Variants in PPP1R9A observed in about 807,000 individuals in gnomAD.
PPP1R9A encodes the protein protein phosphatase 1 regulatory subunit 9A.
Under a neutral mutation model 141.9 loss-of-function variants are expected in PPP1R9A, and 59 were observed. The observed-to-expected ratio is 0.42, with a 90% CI of 0.34 to 0.52. The LOEUF is 0.52. PPP1R9A is among the 20% of genes least tolerant of loss of function. PPP1R9A has a pLI of 0.10. For synonymous variants in PPP1R9A, 500 were observed against 569.7 expected (o/e 0.88, Z 1.74); for missense variants, 1,444 against 1,611.9 (o/e 0.90, Z 1.78).
intron 4 of PPP1R9A, among the ~76,000 whole-genome samples, chr7:95,144,911 G>A (rs184808982): frequency 1.8e-4 from 27 of 152,190 alleles, no homozygotes; most frequent in Admixed American, 5.9e-4. Context: ...AGTGGACAAC[G>A]TACAAAAATC....
chr7:95,073,115 T>C (rs1032884808), intron 2 of PPP1R9A, among the ~76,000 whole-genome samples: 1 of 149,780 alleles, frequency 6.7e-6, no homozygotes, highest in African/African-American at 2.5e-5. Flanking sequence ...CCTCCTGAGT[T>C]TCTGGGATTA....
intron 2 of PPP1R9A, among the ~76,000 whole-genome samples, chr7:94,990,453 G>T (rs1801369487): frequency 6.6e-6 from 1 of 151,922 alleles, no homozygotes; most frequent in South Asian, 2.1e-4. Context: ...TTTTAAAACT[G>T]ACACGTAATA....
intron 2 of PPP1R9A, among the ~76,000 whole-genome samples, chr7:94,968,423 C>G (rs1405308178): frequency 6.6e-6 from 1 of 152,052 alleles, no homozygotes; most frequent in South Asian, 2.1e-4. Flanking sequence ...CCACCCGCCT[C>G]GGCCTCCCAA....
intron 2 of PPP1R9A, among the ~76,000 whole-genome samples, chr7:95,020,272 G>A (rs933129722): frequency 1.3e-5 from 2 of 152,116 alleles, no homozygotes; most frequent in African/African-American, 4.8e-5. Flanking sequence ...TAGGTGTAGT[G>A]ATGGTTTCAT....
chr7:95,151,534 A>G (rs1430409449), intron 4 of PPP1R9A, among the ~76,000 whole-genome samples: 1 of 152,200 alleles, frequency 6.6e-6, no homozygotes, highest in African/African-American at 2.4e-5. Flanking sequence ...GTATGATACT[A>G]TAATGGTGGA....
intron 5 of PPP1R9A, among the ~76,000 whole-genome samples, chr7:95,163,240 G>A (rs1178264593): frequency 6.6e-6 from 1 of 151,998 alleles, no homozygotes; most frequent in Non-Finnish European, 1.5e-5. Context: ...TTTCCCCTCT[G>A]TTGACTGCGT....
At chr7:95,240,517 T>A (rs558069814) in intron 8 of PPP1R9A, among the ~76,000 whole-genome samples, 7 of 152,154 alleles carry the variant, frequency 4.6e-5, no homozygotes, top group African/African-American at 1.7e-4. Context: ...ATTTGTCTTG[T>A]CATATCAGTG....
intron 7 of PPP1R9A, among the ~76,000 whole-genome samples, chr7:95,213,316 CTT>C (rs1019507943): frequency 3.5e-5 from 5 of 141,590 alleles, no homozygotes; most frequent in South Asian, 2.2e-4. Flanking sequence ...CTTTCTTTCT[CTT>C]TCTTTTTTTT....
intron 2 of PPP1R9A, among the ~76,000 whole-genome samples, chr7:95,103,230 A>G (rs1819018709): frequency 6.6e-6 from 1 of 151,890 alleles, no homozygotes; most frequent in Admixed American, 6.6e-5. Flanking sequence ...ATGTATAAAA[A>G]AAACACATAT....
In PPP1R9A at chr7:95,111,372, C is replaced by T. The variant is rs759000233; in HGVS notation, c.1509C>T (p.Phe503=). 2.5e-6 allele frequency: 4 copies of T among 1,613,650 alleles called. No individual in the cohort carries two copies. The highest frequency in any genetic ancestry group is 1.7e-5 in the Admixed American group (1 of 59,974). The change falls in exon 3 of 20, where the codon TTC becomes TTT. Residue 503 remains phenylalanine, a synonymous_variant. Transcript: ENST00000433360. ...LEKRVEKLEL[F]PVELEKDEDG... ...AACGTGTAGAAAAGCTGGAACTTTT[C>T]CCAGTGGAGCTAGAGAAAGGTTCGT...
At chr7:95,051,793 T>C (rs950633264) in intron 2 of PPP1R9A, among the ~76,000 whole-genome samples, 1 of 152,060 alleles carries the variant, frequency 6.6e-6, no homozygotes, top group African/African-American at 2.4e-5. Flanking sequence ...CCATCACTAT[T>C]TATTGAACAT....
At chr7:94,999,376 C>A (rs1443462426) in intron 2 of PPP1R9A, among the ~76,000 whole-genome samples, 1 of 152,168 alleles carries the variant, frequency 6.6e-6, no homozygotes, top group African/African-American at 2.4e-5. Context: ...ATGGGACAGC[C>A]ACTCTAGATG....
At chr7:95,245,540 C>T (rs1048888998) in intron 8 of PPP1R9A, among the ~76,000 whole-genome samples, 1 of 152,086 alleles carries the variant, frequency 6.6e-6, no homozygotes, top group African/African-American at 2.4e-5. Flanking sequence ...ACTGGCTAGC[C>T]TGGTGTGTCA....
In PPP1R9A at chr7:95,269,425, T is replaced by C. The variant is rs1801812735; in HGVS notation, c.3042T>C (p.Phe1014=). ...LSSMWGDTSL[F]STSKSDHDVE... is the part of the protein sequence containing the mutation. ...CTATGTGGGGAGACACTTCACTGTT[T>C]TCTACTTCAAAGTCTGATCATGATG... The change falls in exon 14 of 20, where the codon TTT becomes TTC. Residue 1014 remains phenylalanine (F), a synonymous_variant. Coordinates refer to ENST00000433360, the MANE Select transcript of PPP1R9A (RefSeq NM_001166160.2). The C allele has an allele frequency of 6.3e-7, 1 of 1,594,570 alleles. No individual in the cohort carries two copies. Among genetic ancestry groups the C allele is most frequent in the Non-Finnish European group, 8.5e-7 (1 of 1,175,850 alleles).
intron 2 of PPP1R9A, among the ~76,000 whole-genome samples, chr7:95,110,359 A>T (rs573687052): frequency 6.6e-6 from 1 of 152,272 alleles, no homozygotes; most frequent in African/African-American, 2.4e-5. Flanking sequence ...CCTAGATTTT[A>T]TGATTTTTGG....
At chr7:94,913,883 T>C (rs1168080937) in intron 2 of PPP1R9A, among the ~76,000 whole-genome samples, 4 of 152,186 alleles carry the variant, frequency 2.6e-5, no homozygotes, top group African/African-American at 9.7e-5. Context: ...CTTAAACACA[T>C]TGTATTTAAA....
chr7:95,060,827 G>A (rs1812126762), intron 2 of PPP1R9A, among the ~76,000 whole-genome samples: 1 of 152,200 alleles, frequency 6.6e-6, no homozygotes, highest in Non-Finnish European at 1.5e-5. Context: ...CTTGTGCCAT[G>A]TGGCAGCAAA....
rs369341848 is a variant in PPP1R9A at position 95,166,130 on chromosome 7, A to C, written c.1754+4159A>C. 2.8e-3 allele frequency among the ~76,000 whole-genome samples: 416 copies of C among 148,256 alleles called. 1 individual carries two copies. The highest frequency in any genetic ancestry group is 8.9e-3 in the African/African-American group (353 of 39,708). ...ACCATTGCACTCCAGCCTGGGCAAC[A>C]AGAGTGAAACTCCATTTCAAAAAAA... On this transcript the variant is annotated intron_variant, in intron 5 of 19. Coordinates refer to ENST00000433360, the MANE Select transcript of PPP1R9A (RefSeq NM_001166160.2).
At chr7:95,129,239 G>T (rs1012424887) in intron 4 of PPP1R9A, among the ~76,000 whole-genome samples, 9 of 152,176 alleles carry the variant, frequency 5.9e-5, no homozygotes, top group Non-Finnish European at 1.5e-5. Flanking sequence ...GTTGTGGGAG[G>T]AACCTGGTGG....
Sources: gnomAD v4.1 joint callset for allele counts (sites outside exome capture counted in the v4.1 genomes callset) on GRCh38, gnomAD v4.1.1 for gene constraint, MANE v1.5 for transcripts, NCBI Gene and HGNC (gene_info 2026-07-23, HGNC 2026-07-21) for gene names.